Variants in RAD54B observed in about 807,000 individuals in gnomAD.
RAD54B encodes the protein DNA repair and recombination protein RAD54B.
A neutral mutation model predicts 95.8 loss-of-function variants in RAD54B; 78 were observed. The observed-to-expected ratio is 0.81, with a 90% CI of 0.68 to 0.98. The LOEUF (loss-of-function observed/expected upper bound fraction) is 0.98. Ranked by LOEUF, RAD54B falls within the 50% of genes least tolerant of loss-of-function variation. The pLI is 0.00. For synonymous variants in RAD54B, 328 were observed against 354.9 expected (o/e 0.92, Z 0.85); for missense variants, 957 against 1,056.6 (o/e 0.91, Z 1.31).
At chr8:94,468,702 G>A (rs967021495) in intron 1 of RAD54B, among the ~76,000 whole-genome samples, 8 of 151,950 alleles carry the variant, frequency 5.3e-5, no homozygotes, top group East Asian at 3.9e-4. Flanking sequence ...GGTGGCGGGC[G>A]CCTGTGGTCC....
chr8:94,400,818 A>G (rs1196621275), intron 6 of RAD54B, among the ~76,000 whole-genome samples: 1 of 152,180 alleles, frequency 6.6e-6, no homozygotes, highest in Non-Finnish European at 1.5e-5. Flanking sequence ...TTGGTTTCAG[A>G]TATCAAAACA....
chr8:94,416,904 CAT>C (rs1811686421), intron 3 of RAD54B, among the ~76,000 whole-genome samples: 1 of 152,094 alleles, frequency 6.6e-6, no homozygotes, highest in Non-Finnish European at 1.5e-5. Context: ...AGAATAATAA[CAT>C]ATGTCCACAA....
intron 11 of RAD54B, among the ~76,000 whole-genome samples, chr8:94,386,645 T>C (rs1298668351): frequency 6.6e-6 from 1 of 151,972 alleles, no homozygotes; most frequent in African/African-American, 2.4e-5. Context: ...ACTCAGGAAG[T>C]GTGTTAAGAG....
chr8:94,418,030 C>G (rs1279117911), intron 3 of RAD54B, among the ~76,000 whole-genome samples: 1 of 152,224 alleles, frequency 6.6e-6, no homozygotes, highest in Admixed American at 6.5e-5. Flanking sequence ...GCAGCTCCTC[C>G]AGTTTTCTGA....
rs750763292 is a variant in RAD54B at position 94,372,039 on chromosome 8, T to C, written c.*131A>G. ...ACATTAAACCACTCAATTTTGACTA[T>C]TGTATCAAAAGTGATATATTTTGCA... is the stretch of plus-strand genomic sequence containing the variant. On this transcript the variant is annotated 3_prime_UTR_variant, in exon 15 of 15. Coordinates refer to ENST00000336148, the MANE Select transcript of RAD54B (RefSeq NM_012415.3). The C allele has an allele frequency of 2.0e-5, 28 of 1,381,094 alleles. No individual in the cohort carries two copies. In the Admixed American group the frequency reaches 2.9e-4, roughly 14 times the overall value. 85.6% of individuals were successfully genotyped at this position (1,381,094 alleles called of 1,614,324 possible). A position where few individuals can be genotyped will look rare whatever the true frequency, so the allele number is the denominator to read the frequency against.
At chr8:94,413,413 T>C (rs1811576323) in intron 3 of RAD54B, among the ~76,000 whole-genome samples, 1 of 152,152 alleles carries the variant, frequency 6.6e-6, no homozygotes, top group South Asian at 2.1e-4. Context: ...ACGGCGAAAT[T>C]ATTTTCAACA....
chr8:94,424,649 A>C (rs1057346891), intron 3 of RAD54B, among the ~76,000 whole-genome samples: 2 of 152,172 alleles, frequency 1.3e-5, no homozygotes, highest in Non-Finnish European at 2.9e-5. Context: ...ATCCCAGTCT[A>C]TAATTTCTTA....
intron 8 of RAD54B, among the ~76,000 whole-genome samples, chr8:94,398,303 G>A (rs1345983112): frequency 1.3e-5 from 2 of 151,982 alleles, no homozygotes; most frequent in African/African-American, 4.8e-5. Context: ...TTTGATAATG[G>A]TTAATACAAT....
chr8:94,374,228 G>A (rs188585002), intron 14 of RAD54B, among the ~76,000 whole-genome samples: 324 of 151,746 alleles, frequency 2.1e-3, no homozygotes, highest in African/African-American at 7.1e-3. Flanking sequence ...GCAGTGAGCC[G>A]AGATAGCGCC....
chr8:94,439,700 G>A (rs997511851), intron 3 of RAD54B, among the ~76,000 whole-genome samples: 1 of 152,112 alleles, frequency 6.6e-6, no homozygotes, highest in Non-Finnish European at 1.5e-5. Flanking sequence ...TGGCGGCGGG[G>A]GCGGTGTTCC....
At chr8:94,414,056 G>A (rs192161058) in intron 3 of RAD54B, among the ~76,000 whole-genome samples, 25 of 152,100 alleles carry the variant, frequency 1.6e-4, no homozygotes, top group Admixed American at 1.6e-3. Context: ...GGCTGGTCTT[G>A]AATTTGTGAC....
intron 4 of RAD54B, among the ~76,000 whole-genome samples, chr8:94,409,605 A>G (rs1811479205): frequency 1.3e-5 from 2 of 151,978 alleles, no homozygotes; most frequent in South Asian, 4.2e-4. Context: ...GCCTCAAGCA[A>G]TCCTTCCCCA....
At chr8:94,417,749 C>T (rs983608420) in intron 3 of RAD54B, among the ~76,000 whole-genome samples, 14 of 152,086 alleles carry the variant, frequency 9.2e-5, no homozygotes, top group African/African-American at 3.1e-4. Context: ...GTAAATCAAC[C>T]TGCCAAATGC....
chr8:94,372,136 A>G lies in RAD54B; in HGVS notation c.*34T>C, dbSNP rs1810454777. 6.4e-7 allele frequency: 1 copy of G among 1,553,730 alleles called. No individual in the cohort carries two copies. The highest frequency in any genetic ancestry group is 1.4e-5 in the African/African-American group (1 of 72,068). On this transcript the variant is annotated 3_prime_UTR_variant, in exon 15 of 15. Coordinates refer to ENST00000336148, the MANE Select transcript of RAD54B (RefSeq NM_012415.3). ...TTTAATTACCATACTAATTTTCAAA[A>G]GAAGAGCAATGGAATGTCAGAAGTA...
At chr8:94,404,762 A>G (rs1586141049) in intron 5 of RAD54B, among the ~76,000 whole-genome samples, 1 of 152,288 alleles carries the variant, frequency 6.6e-6, no homozygotes, top group Admixed American at 6.5e-5. Context: ...CCATTGACTT[A>G]GCCACCATTA....
chr8:94,469,298 G>A (rs1255115725), intron 1 of RAD54B, among the ~76,000 whole-genome samples: 1 of 152,126 alleles, frequency 6.6e-6, no homozygotes, highest in East Asian at 1.9e-4. Context: ...TCGTGGTAGT[G>A]ACTAAGTCTC....
chr8:94,378,657 C>G (rs771402807), intron 12 of RAD54B, 23 bp from the exon 13 acceptor site: 5 of 1,538,344 alleles, frequency 3.3e-6, no homozygotes, highest in African/African-American at 1.4e-5. Context: ...AGTGAGAATT[C>G]TGAGAGTACA....
At chr8:94,436,187 T>G (rs1175423102) in intron 3 of RAD54B, among the ~76,000 whole-genome samples, 1 of 152,106 alleles carries the variant, frequency 6.6e-6, no homozygotes, top group Non-Finnish European at 1.5e-5. Flanking sequence ...ACTAAATAAT[T>G]TAATTTTAAA....
chr8:94,401,519 T>C (rs1026065803), intron 6 of RAD54B, among the ~76,000 whole-genome samples: 8 of 152,136 alleles, frequency 5.3e-5, no homozygotes, highest in East Asian at 1.9e-4. Context: ...TATGTGTAAA[T>C]TGAGTGTTTA....
Sources: allele counts gnomAD v4.1 joint callset (sites outside exome capture counted in the v4.1 genomes callset), GRCh38; gene constraint gnomAD v4.1.1; transcripts MANE v1.5; gene names NCBI Gene and HGNC (gene_info 2026-07-23, HGNC 2026-07-21).